Variants in MYLK4 observed in about 807,000 individuals in gnomAD.
MYLK4 encodes caMLCK like.
In MYLK4, 46 loss-of-function variants were observed where a neutral mutation model predicts 48.1. The observed-to-expected ratio is 0.96, with a 90% CI of 0.75 to 1.22. The LOEUF (loss-of-function observed/expected upper bound fraction) is 1.22. MYLK4 is among the 50% of genes most tolerant of loss of function. MYLK4 has a pLI of 0.00. For synonymous variants in MYLK4, 170 were observed against 180.8 expected (o/e 0.94, Z 0.48); for missense variants, 451 against 486.1 (o/e 0.93, Z 0.68).
At chr6:2,769,537 A>G in the MYLK4 span, among the ~76,000 whole-genome samples, 8 of 152,196 alleles carry the variant, frequency 5.3e-5, no homozygotes, top group African/African-American at 1.9e-4. Context: ...CATACATAGA[A>G]TATTTCACAA....
At chr6:2,751,599 C>T (rs1167382237), upstream of MYLK4, among the ~76,000 whole-genome samples, 1 of 152,142 alleles carries the variant, frequency 6.6e-6, no homozygotes, top group Non-Finnish European at 1.5e-5. Flanking sequence ...ACTTTGATTG[C>T]CCAGAGGCTG....
chr6:2,683,162 A>G lies in MYLK4; in HGVS notation c.546T>C (p.Tyr182=), dbSNP rs1220433896. Residue 182 remains tyrosine (Y), a splice_region_variant and synonymous_variant, in exon 7 of 13, where the codon TAT becomes TAC. Transcript: ENST00000274643. ...SKNDIVLVME[Y]VDGGELFDRI... ...GGTCAAACAGCTCCCCACCATCCAC[A>G]CTGCAGAGGGAAGAGGACTGAAACC... The G allele has an allele frequency of 1.9e-6, 3 of 1,613,976 alleles. No homozygotes were observed. The African/African-American group carries it at 4.0e-5, about 22-fold the overall frequency.
chr6:2,724,391 A>G (rs1192261662), intron 2 of MYLK4, among the ~76,000 whole-genome samples: 1 of 152,228 alleles, frequency 6.6e-6, no homozygotes, highest in Admixed American at 6.5e-5. Context: ...TATAGGAGCT[A>G]TGAAAGGGTT....
chr6:2,743,744 G>A (rs1030540572), intron 2 of MYLK4, among the ~76,000 whole-genome samples: 1 of 152,158 alleles, frequency 6.6e-6, no homozygotes, highest in Non-Finnish European at 1.5e-5. Flanking sequence ...TGTGCCACAT[G>A]CCACTATTAT....
chr6:2,718,244 G>A (rs1355629984), intron 2 of MYLK4, among the ~76,000 whole-genome samples: 5 of 151,676 alleles, frequency 3.3e-5, no homozygotes, highest in African/African-American at 1.2e-4. Flanking sequence ...CTAGTGCTGC[G>A]GTCTCCAAAC....
intron 2 of MYLK4, among the ~76,000 whole-genome samples, chr6:2,708,011 TC>T (rs1762548987): frequency 6.6e-6 from 1 of 152,114 alleles, no homozygotes; most frequent in Non-Finnish European, 1.5e-5. Flanking sequence ...TATAATCTTT[TC>T]CCCTGGATGA....
rs568568718 is a variant in MYLK4 at position 2,745,204 on chromosome 6, G to GT, written c.159+3931dup. Among the ~76,000 whole-genome samples the GT allele has an allele frequency of 6.6e-5, 10 of 152,284 alleles. 1 individual carries two copies. The East Asian group carries it at 1.9e-3, about 29-fold the overall frequency. The stretch of plus-strand genomic sequence containing the variant: ...TTTGTGTTTCATTAAGCAAAGGGGT[G>GT]TGGGGGTGTATATGAGACAGAGATC... On this transcript the variant is annotated intron_variant, in intron 2 of 12. Coordinates refer to ENST00000274643, the MANE Select transcript of MYLK4 (RefSeq NM_001012418.5).
intron 10 of MYLK4, among the ~76,000 whole-genome samples, chr6:2,677,833 T>G (rs1251107390): frequency 2.0e-5 from 3 of 152,224 alleles, no homozygotes; most frequent in Non-Finnish European, 2.9e-5. Flanking sequence ...TGGCATGATC[T>G]GGCCCACAGT....
chr6:2,760,791 G>T, the MYLK4 span, among the ~76,000 whole-genome samples: 23 of 152,074 alleles, frequency 1.5e-4, no homozygotes, highest in African/African-American at 5.6e-4. Flanking sequence ...GTAAATAAAA[G>T]GTTCTACTTA....
At chr6:2,744,733 G>A (rs939479273) in intron 2 of MYLK4, among the ~76,000 whole-genome samples, 1 of 152,184 alleles carries the variant, frequency 6.6e-6, no homozygotes, top group Non-Finnish European at 1.5e-5. Flanking sequence ...GTGGGGTCCC[G>A]AGTCTGCTGG....
the MYLK4 span, chr6:2,765,535 C>G: frequency 7.6e-6 from 10 of 1,323,900 alleles, no homozygotes; most frequent in Non-Finnish European, 9.6e-6. Context: ...GGTCTCGCGG[C>G]GCGGGGCCTA....
intron 2 of MYLK4, among the ~76,000 whole-genome samples, chr6:2,725,985 T>C (rs1385226612): frequency 6.6e-6 from 1 of 152,214 alleles, no homozygotes; most frequent in East Asian, 1.9e-4. Context: ...TGTTTTTATA[T>C]AACAAGGTGA....
At chr6:2,752,286 G>A (rs574925806), upstream of MYLK4, among the ~76,000 whole-genome samples, 89 of 152,256 alleles carry the variant, frequency 5.8e-4, no homozygotes, top group Admixed American at 2.8e-3. Context: ...CCTGCACCCC[G>A]AATCCTCTGT....
At chr6:2,755,303 C>T (rs1200115091), upstream of MYLK4, among the ~76,000 whole-genome samples, 5 of 152,152 alleles carry the variant, frequency 3.3e-5, no homozygotes, top group East Asian at 3.9e-4. Context: ...AATACCTATA[C>T]ATCCTTCACC....
At chr6:2,722,964 C>T (rs948333652) in intron 2 of MYLK4, among the ~76,000 whole-genome samples, 3 of 151,980 alleles carry the variant, frequency 2.0e-5, no homozygotes, top group Non-Finnish European at 4.4e-5. Context: ...CAATAATATA[C>T]CAGCTTCTCA....
At chr6:2,694,673 G>T (rs1292908104) in intron 2 of MYLK4, among the ~76,000 whole-genome samples, 1 of 149,376 alleles carries the variant, frequency 6.7e-6, no homozygotes, top group African/African-American at 2.4e-5. Context: ...TGGTAGTGGT[G>T]ACAGCTACCA....
chr6:2,692,886 A>G, intron 2 of MYLK4, 27 bp from the exon 3 acceptor site: 1 of 1,603,420 alleles, frequency 6.2e-7, no homozygotes, highest in Non-Finnish European at 8.5e-7. Context: ...GAGTAATTGA[A>G]GTTACATATC....
intron 2 of MYLK4, among the ~76,000 whole-genome samples, chr6:2,735,402 G>A (rs758537124): frequency 1.3e-4 from 20 of 152,120 alleles, no homozygotes; most frequent in African/African-American, 4.6e-4. Context: ...ATATACAAAC[G>A]CTATATTATT....
At chr6:2,670,028 A>G (rs1760822523) in intron 12 of MYLK4, among the ~76,000 whole-genome samples, 1 of 152,218 alleles carries the variant, frequency 6.6e-6, no homozygotes, top group African/African-American at 2.4e-5. Flanking sequence ...AATCAAAAAG[A>G]CATGCAAAAA....
Sources: allele counts gnomAD v4.1 joint callset (sites outside exome capture counted in the v4.1 genomes callset), GRCh38; gene constraint gnomAD v4.1.1; transcripts MANE v1.5; gene names NCBI Gene and HGNC (gene_info 2026-07-23, HGNC 2026-07-21).